Variants in HGS observed in about 807,000 individuals in gnomAD.
The protein encoded by HGS is hepatocyte growth factor-regulated tyrosine kinase substrate.
A neutral mutation model predicts 109.7 loss-of-function variants in HGS; 63 were observed. The ratio of observed to expected loss-of-function variants is 0.57; its 90% confidence interval spans 0.47 to 0.71. HGS has a LOEUF of 0.71. Among genes scored for constraint, HGS ranks in the 30% least tolerant of loss-of-function variants. The probability of loss-of-function intolerance (pLI) is 0.00; values close to 1 mark genes in which losing one functional copy is unlikely to be tolerated. For missense variants in HGS, 995 were observed against 1,068.3 expected (o/e 0.93, Z 0.96); for synonymous variants, 546 against 437.3 (o/e 1.25, Z -3.10).
At chr17:81,694,113 A>G in intron 11 of HGS, 148 bp downstream of exon 11, 1 of 663,196 alleles carries the variant, frequency 1.5e-6, no homozygotes, top group Admixed American at 3.0e-5. Context: ...ACGGGCGGAC[A>G]TCAGGGCAGA....
rs771641179 is a variant in HGS, at chr17:81,694,802, C to T, written c.937-13C>T. Reference sequence around the variant, plus strand: ...CTGTCACCTGTGAGACTCAGATGCCCTTTTCTCCCCAGAACTCGTCGGCGC... The same window carrying T: ...CTGTCACCTGTGAGACTCAGATGCCTTTTTCTCCCCAGAACTCGTCGGCGC... On this transcript the variant is annotated splice_polypyrimidine_tract_variant and intron_variant, in intron 11 of 21. Transcript: ENST00000329138. 3 of 1,614,232 alleles carry T rather than the reference C, an allele frequency of 1.9e-6. No individual in the cohort carries two copies. Among genetic ancestry groups the T allele is most frequent in the African/African-American group, 1.3e-5 (1 of 75,058 alleles).
chr17:81,701,251 C>T (rs967294872), intron 21 of HGS, 120 bp downstream of exon 21: 10 of 942,566 alleles, frequency 1.1e-5, no homozygotes, highest in East Asian at 5.3e-5. Context: ...CAGGGGGAGA[C>T]GCATACCCGA....
intron 5 of HGS, among the ~76,000 whole-genome samples, chr17:81,689,231 C>T (rs918643123): frequency 6.6e-6 from 1 of 152,236 alleles, no homozygotes; most frequent in Non-Finnish European, 1.5e-5. Context: ...GGCAGACACT[C>T]AGGGTTGAGG....
At chr17:81,684,231 T>A in intron 1 of HGS, 128 bp downstream of exon 1, 1 of 884,590 alleles carries the variant, frequency 1.1e-6, no homozygotes, top group Non-Finnish European at 1.5e-6. Context: ...CCCGGCCCGC[T>A]GTCCTCCCGG....
rs571862891 is a variant in HGS, at chr17:81,691,683, A to G, written c.662+112A>G. ...CCTGCAGACCCCAGAGGACCCTCAC[A>G]GCACAGCAGCTGGAAGGTCAAGGGA... On this transcript the variant is annotated intron_variant, in intron 8 of 21. Transcript: ENST00000329138. The surrounding 1 kb of genome is among the most constrained non-coding windows in gnomAD (Gnocchi z 5.3). 2.2e-6 allele frequency: 3 copies of G among 1,385,766 alleles called. No homozygotes were observed. Among genetic ancestry groups the G allele is most frequent in the East Asian group, 4.6e-5 (2 of 43,092 alleles). 85.8% of individuals were successfully genotyped at this position (1,385,766 alleles called of 1,614,324 possible).
At chr17:81,685,800 T>G (rs994586629) in intron 2 of HGS, 111 bp downstream of exon 2, 3 of 715,528 alleles carry the variant, frequency 4.2e-6, no homozygotes, top group Non-Finnish European at 7.0e-6. Flanking sequence ...TAGGCTCTTA[T>G]GTGGAGAACT....
intron 15 of HGS, 124 bp from the exon 16 acceptor site, chr17:81,696,233 C>T: frequency 3.1e-6 from 4 of 1,294,028 alleles, no homozygotes; most frequent in Non-Finnish European, 3.1e-6. Flanking sequence ...CCCCAGAGCC[C>T]AGCACCTTCA....
chr17:81,693,044 A>C (rs554836865), intron 8 of HGS: 1 of 159,902 alleles, frequency 6.3e-6, no homozygotes, highest in East Asian at 1.8e-4. Flanking sequence ...CCCAGGTCAA[A>C]GGTCAGCGTG....
chr17:81,697,045 T>A, intron 18 of HGS, 47 bp downstream of exon 18: 1 of 1,488,530 alleles, frequency 6.7e-7, no homozygotes, highest in Non-Finnish European at 8.9e-7. Flanking sequence ...CCCTCGTCTT[T>A]ATTTTAGCCG....
intron 10 of HGS, 49 bp from the exon 11 acceptor site, chr17:81,693,821 G>C (rs1022147291): frequency 1.9e-6 from 3 of 1,563,296 alleles, no homozygotes; most frequent in Non-Finnish European, 2.6e-6. Context: ...GGTGGGGCCG[G>C]AGGGGCGTCA....
At chr17:81,693,812 G>C in intron 10 of HGS, 58 bp from the exon 11 acceptor site, 1 of 1,556,020 alleles carries the variant, frequency 6.4e-7, no homozygotes, top group Non-Finnish European at 8.7e-7. Context: ...ATGTGCTGCG[G>C]TGGGGCCGGA....
chr17:81,700,953 T>C (rs75950260), intron 20 of HGS, 92 bp from the exon 21 acceptor site: 31,511 of 1,526,212 alleles, frequency 0.021, 400 homozygotes, highest in Non-Finnish European at 0.024. Flanking sequence ...GGGTGCTCCC[T>C]GTGGTCACCT....
At chr17:81,685,775 C>A in intron 2 of HGS, 86 bp downstream of exon 2, 2 of 937,568 alleles carry the variant, frequency 2.1e-6, no homozygotes, top group Non-Finnish European at 3.3e-6. Context: ...GTCTCCACGA[C>A]GTAGCTGACC....
In HGS at chr17:81,700,283, C is replaced by T. The variant is rs1262876381; in HGVS notation, c.1883-184C>T. On this transcript the variant is annotated intron_variant, in intron 18 of 21. Transcript: ENST00000329138. ...ACTCGGGAGGCTGAGGCAGGAGAAT[C>T]GCTTGAACCCGGGAGGCAGAGGTTG... Among the ~76,000 whole-genome samples the T allele has an allele frequency of 8.7e-5, 13 of 150,100 alleles. No individual in the cohort carries two copies. In the East Asian group the frequency reaches 2.4e-3, roughly 27 times the overall value.
chr17:81,690,115 G>C lies in HGS; in HGVS notation c.416-67G>C, dbSNP rs145244775. 4.3e-4 allele frequency: 665 copies of C among 1,548,112 alleles called. 8 individuals are homozygous for C. In the East Asian group the frequency reaches 0.015, roughly 34 times the overall value. On this transcript the variant is annotated intron_variant, in intron 5 of 21. Transcript: ENST00000329138. ...CTGCGTTGCAGCTGCCGAGAGTGAG[G>C]AAGGGGCTCCCGGAAGTCTTGCAGG...
Position 81,691,478 on chromosome 17 carries a change from G to T in HGS, c.569G>T (p.Cys190Phe). ...HHCRACGQIF[C>F]GKCSSKYSTI... ...TGCCGGGCGTGTGGGCAGATATTCT[G>T]TGGAAAGTGTTCTTCCAAGTACTCC... Residue 190 changes from cysteine (C) to phenylalanine (F), a missense_variant, in exon 8 of 22, where the codon TGT becomes TTT. Transcript: ENST00000329138. The surrounding 1 kb of genome is among the most constrained non-coding windows in gnomAD (Gnocchi z 5.3). 1 of 1,614,172 alleles carries T rather than the reference G, an allele frequency of 6.2e-7. No individual in the cohort carries two copies. Among genetic ancestry groups the T allele is most frequent in the Non-Finnish European group, 8.5e-7 (1 of 1,180,022 alleles).
At chr17:81,685,197 A>C in intron 1 of HGS, 1 of 403,968 alleles carries the variant, frequency 2.5e-6, no homozygotes, top group Non-Finnish European at 3.4e-6. Flanking sequence ...GTCCCATTGA[A>C]ACCGGGAGCA....
At chr17:81,699,554 T>C (rs776711661) in intron 18 of HGS, among the ~76,000 whole-genome samples, 95 of 152,330 alleles carry the variant, frequency 6.2e-4, no homozygotes, top group Non-Finnish European at 9.0e-4. Context: ...GCCTCCTGCG[T>C]AGCTGGGATT....
At chr17:81,697,061 A>G in intron 18 of HGS, 63 bp downstream of exon 18, 1 of 1,473,174 alleles carries the variant, frequency 6.8e-7, no homozygotes, top group Non-Finnish European at 9.0e-7. Flanking sequence ...AGCCGAATTT[A>G]CAGAAAAGCA....
Sources: allele counts gnomAD v4.1 joint callset (sites outside exome capture counted in the v4.1 genomes callset), GRCh38; gene constraint gnomAD v4.1.1; non-coding constraint Gnocchi (gnomAD v3.1); transcripts MANE v1.5; gene names NCBI Gene and HGNC (gene_info 2026-07-23, HGNC 2026-07-21).